GALNT17: variants seen among roughly 807,000 people sequenced by gnomAD.
The protein encoded by GALNT17 is polypeptide N-acetylgalactosaminyltransferase 17.
In GALNT17, 29 loss-of-function variants were observed where a neutral mutation model predicts 63.7. The observed-to-expected ratio is 0.46, with a 90% CI of 0.34 to 0.62. GALNT17 has a LOEUF of 0.62. GALNT17 is among the 20% of genes least tolerant of loss of function. The probability of loss-of-function intolerance (pLI) is 0.01; values close to 1 mark genes in which losing one functional copy is unlikely to be tolerated. For synonymous variants in GALNT17, 305 were observed against 318.3 expected (o/e 0.96, Z 0.45); for missense variants, 603 against 799.6 (o/e 0.75, Z 2.97).
At chr7:71,550,989 A>G (rs964644784) in intron 5 of GALNT17, among the ~76,000 whole-genome samples, 1 of 152,026 alleles carries the variant, frequency 6.6e-6, no homozygotes, top group African/African-American at 2.4e-5. Flanking sequence ...CTTTGAATAT[A>G]TGTGTTCATT....
At chr7:71,429,614 TTCA>T (rs759293328) in intron 5 of GALNT17, among the ~76,000 whole-genome samples, 4 of 152,124 alleles carry the variant, frequency 2.6e-5, no homozygotes, top group Non-Finnish European at 4.4e-5. Flanking sequence ...GAGATCATAG[TTCA>T]TCATGGCCTC....
chr7:71,657,602 T>A (rs1790847567), intron 6 of GALNT17, among the ~76,000 whole-genome samples: 1 of 152,192 alleles, frequency 6.6e-6, no homozygotes, highest in African/African-American at 2.4e-5. Context: ...ACTATCCAGC[T>A]GTCCAGGCTG....
intron 9 of GALNT17, among the ~76,000 whole-genome samples, chr7:71,678,345 C>T (rs1372741189): frequency 3.3e-5 from 5 of 151,094 alleles, no homozygotes; most frequent in East Asian, 2.0e-4. Flanking sequence ...AGACTGGTCT[C>T]AAACTCCTGA....
chr7:71,234,977 G>A (rs1789860059), intron 1 of GALNT17, among the ~76,000 whole-genome samples: 1 of 152,164 alleles, frequency 6.6e-6, no homozygotes, highest in Admixed American at 6.5e-5. Context: ...TCAGCGGGGC[G>A]CGGTGGCTCA....
At chr7:71,701,858 C>CAT (rs770291026) in intron 9 of GALNT17, among the ~76,000 whole-genome samples, 2 of 21,628 alleles carry the variant, frequency 9.2e-5, no homozygotes, top group Non-Finnish European at 2.3e-4. Context: ...TATATATACA[C>CAT]ATATATATAT....
chr7:71,221,747 T>A (rs2116421940), intron 1 of GALNT17, among the ~76,000 whole-genome samples: 1 of 152,286 alleles, frequency 6.6e-6, no homozygotes, highest in South Asian at 2.1e-4. Flanking sequence ...GCTTCATTTT[T>A]AACTTTGTGT....
chr7:71,533,820 A>G (rs1788758194), intron 5 of GALNT17, among the ~76,000 whole-genome samples: 2 of 152,134 alleles, frequency 1.3e-5, no homozygotes, highest in African/African-American at 4.8e-5. Flanking sequence ...CTGCTCCCAA[A>G]TCCATCTCCC....
At chr7:71,279,963 C>T (rs746041895) in intron 1 of GALNT17, among the ~76,000 whole-genome samples, 1 of 151,996 alleles carries the variant, frequency 6.6e-6, no homozygotes, top group Non-Finnish European at 1.5e-5. Context: ...TTTCTCTATC[C>T]TCTGGATAGT....
At chr7:71,589,828 C>T (rs1584073530) in intron 6 of GALNT17, among the ~76,000 whole-genome samples, 2 of 152,180 alleles carry the variant, frequency 1.3e-5, no homozygotes, top group South Asian at 2.1e-4. Flanking sequence ...ATGAGGCTTG[C>T]GACCTCTTGC....
chr7:71,612,062 T>C (rs1462551329), intron 6 of GALNT17, among the ~76,000 whole-genome samples: 1 of 152,174 alleles, frequency 6.6e-6, no homozygotes, highest in Non-Finnish European at 1.5e-5. Context: ...TTTGTTCTTT[T>C]TGTTCTTGGA....
chr7:71,297,886 C>T (rs1451735578), intron 1 of GALNT17, among the ~76,000 whole-genome samples: 6 of 152,178 alleles, frequency 3.9e-5, no homozygotes, highest in Non-Finnish European at 1.5e-5. Context: ...AACAGGCAAA[C>T]ATCATCTCTG....
chr7:71,384,302 G>A (rs960741772), intron 2 of GALNT17, among the ~76,000 whole-genome samples: 1 of 152,140 alleles, frequency 6.6e-6, no homozygotes, highest in Non-Finnish European at 1.5e-5. Context: ...ACGTCCGCAT[G>A]GTAGGTGGAG....
chr7:71,176,049 G>A (rs910759886), intron 1 of GALNT17, among the ~76,000 whole-genome samples: 13 of 152,236 alleles, frequency 8.5e-5, no homozygotes, highest in African/African-American at 3.1e-4. Flanking sequence ...CTCCCATCTG[G>A]CTGGTTAATG....
At position 71,711,536 on chromosome 7, in the gene GALNT17, CCTCT is replaced by C. The variant is rs541091601; in HGVS notation, c.1669-481_1669-478del. ...CTCTCTCCCTCTCTCTCCCTCTCTC[CCTCT>C]GTCTCCCTCTCTCTGCCTCTCTCTC... On this transcript the variant is annotated intron_variant, in intron 10 of 10. Coordinates refer to ENST00000333538, the MANE Select transcript of GALNT17 (RefSeq NM_022479.3). Among the ~76,000 whole-genome samples the C allele has an allele frequency of 6.1e-4, 92 of 150,288 alleles. No individual in the cohort carries two copies. The South Asian group carries it at 6.6e-3, about 11-fold the overall frequency.
intron 6 of GALNT17, among the ~76,000 whole-genome samples, chr7:71,630,417 T>C (rs746674285): frequency 6.6e-6 from 1 of 152,196 alleles, no homozygotes; most frequent in Non-Finnish European, 1.5e-5. Context: ...CCCAGTGCAC[T>C]GATCCCCTCC....
intron 6 of GALNT17, among the ~76,000 whole-genome samples, chr7:71,587,155 G>A (rs56006064): frequency 0.032 from 4,857 of 152,158 alleles, 248 homozygotes; most frequent in African/African-American, 0.11. Context: ...AGCCTTCTGA[G>A]TAGCTGAGAC....
chr7:71,193,865 C>T (rs1788997944), intron 1 of GALNT17, among the ~76,000 whole-genome samples: 1 of 152,126 alleles, frequency 6.6e-6, no homozygotes, highest in Non-Finnish European at 1.5e-5. Flanking sequence ...TTGTGGTCCA[C>T]GTGCAGTTAA....
chr7:71,347,193 A>G (rs147803382), intron 2 of GALNT17, among the ~76,000 whole-genome samples: 2 of 152,270 alleles, frequency 1.3e-5, no homozygotes, highest in African/African-American at 2.4e-5. Flanking sequence ...TGAAGAAGAT[A>G]TCTGGGCCAC....
chr7:71,621,192 C>T (rs775900865), intron 6 of GALNT17, among the ~76,000 whole-genome samples: 4 of 151,984 alleles, frequency 2.6e-5, no homozygotes, highest in East Asian at 1.9e-4. Context: ...CTGCTATAAA[C>T]GCACTTTCTT....
Sources: gnomAD v4.1 joint callset for allele counts (sites outside exome capture counted in the v4.1 genomes callset) on GRCh38, gnomAD v4.1.1 for gene constraint, MANE v1.5 for transcripts, NCBI Gene and HGNC (gene_info 2026-07-23, HGNC 2026-07-21) for gene names.